APLF: variants seen among roughly 807,000 people sequenced by gnomAD.
APLF encodes aprataxin and PNK-like factor.
Under a neutral mutation model 55.6 loss-of-function variants are expected in APLF, and 61 were observed. That is an observed-to-expected ratio of 1.10 (90% confidence interval 0.89 to 1.36). The LOEUF (loss-of-function observed/expected upper bound fraction) is 1.36, where lower values mean the gene tolerates loss of function less well. Among genes scored for constraint, APLF ranks in the 40% most tolerant of loss-of-function variants. The pLI is 0.00. For synonymous variants in APLF, 207 were observed against 214.8 expected, an observed-to-expected ratio of 0.96 and a Z score of 0.32; for missense variants, 611 against 602.5, an observed-to-expected ratio of 1.01 and a Z score of -0.15.
At chr2:68,569,689 A>G (rs1671400960) in intron 9 of APLF, among the ~76,000 whole-genome samples, 1 of 152,132 alleles carries the variant, frequency 6.6e-6, no homozygotes, top group African/African-American at 2.4e-5. Flanking sequence ...AGTTAGGTAG[A>G]ATAAAGGGTT....
At chr2:68,540,476 A>AGCATG (rs1670516780) in intron 7 of APLF, among the ~76,000 whole-genome samples, 2 of 152,112 alleles carry the variant, frequency 1.3e-5, no homozygotes, top group Non-Finnish European at 2.9e-5. Context: ...AACATACATT[A>AGCATG]GCATGTATCT....
chr2:68,517,324 G>GTCATTACTATATAATATATTAATATA (rs1262337482), intron 5 of APLF, among the ~76,000 whole-genome samples: 7 of 61,468 alleles, frequency 1.1e-4, no homozygotes. Flanking sequence ...ATTAATATAT[G>GTCATTACTATATAATATATTAATATA]TCATTACTAT....
At chr2:68,526,010 AC>A (rs1199580858) in intron 5 of APLF, 50 bp from the exon 6 acceptor site, 9 of 1,503,212 alleles carry the variant, frequency 6.0e-6, no homozygotes, top group African/African-American at 2.8e-5. Context: ...TGGATTATTG[AC>A]ATTTGAAGAT....
intron 1 of APLF, among the ~76,000 whole-genome samples, chr2:68,477,724 TC>T (rs1469827095): frequency 5.9e-5 from 9 of 152,146 alleles, no homozygotes; most frequent in Admixed American, 5.2e-4. Context: ...GACTCACAGT[TC>T]CACATGGCTG....
At chr2:68,518,140 T>G (rs1476045485) in intron 5 of APLF, among the ~76,000 whole-genome samples, 3 of 124,920 alleles carry the variant, frequency 2.4e-5, no homozygotes, top group South Asian at 4.8e-4. Context: ...TATTAATATA[T>G]AATAATATAT....
intron 5 of APLF, 37 bp downstream of exon 5, chr2:68,513,717 A>T: frequency 1.9e-6 from 3 of 1,596,886 alleles, no homozygotes; most frequent in Non-Finnish European, 2.6e-6. Context: ...ACTTTAAAGG[A>T]AACATTAAAC....
At chr2:68,474,038 T>C (rs1342645588) in intron 1 of APLF, among the ~76,000 whole-genome samples, 7 of 152,190 alleles carry the variant, frequency 4.6e-5, no homozygotes, top group Non-Finnish European at 8.8e-5. Flanking sequence ...GGCCCTTTCC[T>C]TGGGCTCTAT....
chr2:68,474,327 A>G (rs771097824), intron 1 of APLF, among the ~76,000 whole-genome samples: 7 of 152,198 alleles, frequency 4.6e-5, no homozygotes, highest in African/African-American at 9.7e-5. Context: ...TCGTCTCCCT[A>G]GAGGAGGCTG....
intron 6 of APLF, among the ~76,000 whole-genome samples, chr2:68,530,327 C>A (rs9750600): frequency 0.073 from 11,039 of 151,706 alleles, 739 homozygotes; most frequent in African/African-American, 0.23. Flanking sequence ...TTCACTTCAA[C>A]ATACAAGTTG....
At chr2:68,563,442 G>A in intron 8 of APLF, 1 of 813,396 alleles carries the variant, frequency 1.2e-6, no homozygotes, top group Non-Finnish European at 1.5e-6. Context: ...GCATGCGAGT[G>A]CAACTGGGAA....
intron 8 of APLF, among the ~76,000 whole-genome samples, chr2:68,553,523 C>T (rs945247701): frequency 1.6e-4 from 25 of 151,802 alleles, no homozygotes; most frequent in African/African-American, 5.6e-4. Context: ...AGAAAATATG[C>T]CCAGTGTATC....
Position 68,548,462 on chromosome 2 carries a change from A to C in APLF, c.1286+3150A>C, listed in dbSNP as rs1415200793. 2.6e-5 allele frequency among the ~76,000 whole-genome samples: 4 copies of C among 151,908 alleles called. No homozygotes were observed. The East Asian group carries it at 7.7e-4, about 29-fold the overall frequency. ...CCAAAAGGAAATCCAAATATTAAAC[A>C]CATGAAAAAATACTCAGTGTCATTA... is the stretch of plus-strand genomic sequence containing the variant. On this transcript the variant is annotated intron_variant, in intron 8 of 9. Coordinates refer to ENST00000303795, the MANE Select transcript of APLF (RefSeq NM_173545.3).
At chr2:68,550,070 G>T (rs996054042) in intron 8 of APLF, among the ~76,000 whole-genome samples, 1 of 152,086 alleles carries the variant, frequency 6.6e-6, no homozygotes, top group East Asian at 1.9e-4. Flanking sequence ...ACTACCCAAG[G>T]TTATGTGGTT....
intron 8 of APLF, among the ~76,000 whole-genome samples, 183 bp from the exon 9 acceptor site, chr2:68,567,156 GAA>G (rs1279284866): frequency 2.6e-5 from 4 of 151,976 alleles, no homozygotes; most frequent in Non-Finnish European, 5.9e-5. Flanking sequence ...TTTGCATCTA[GAA>G]ATGTGCTTGG....
intron 1 of APLF, among the ~76,000 whole-genome samples, chr2:68,474,490 T>A (rs184242963): frequency 8.7e-4 from 132 of 152,364 alleles, no homozygotes; most frequent in South Asian, 4.3e-3. Context: ...TTAGTGGTTA[T>A]GCCAGGCAAC....
At chr2:68,569,823 A>G (rs568978897) in intron 9 of APLF, among the ~76,000 whole-genome samples, 1 of 152,290 alleles carries the variant, frequency 6.6e-6, no homozygotes, top group South Asian at 2.1e-4. Flanking sequence ...GAGGTAAATG[A>G]AGTCAGGATG....
chr2:68,518,569 T>TATATCAATAATATATCATGAATATATA (rs1558539641), intron 5 of APLF, among the ~76,000 whole-genome samples: 1 of 106,284 alleles, frequency 9.4e-6, no homozygotes, highest in African/African-American at 3.9e-5. Context: ...ATCATGAATA[T>TATATCAATAATATATCATGAATATATA]ATAATATATC....
Position 68,579,844 on chromosome 2 carries a change from T to C in APLF, c.*1822T>C. On this transcript the variant is annotated 3_prime_UTR_variant, in exon 10 of 10. Transcript: ENST00000303795. ...AGGATTTCCTTTTGAGTGATAAAAA[T>C]GTTCTAAGATTAGATGGCAGTGATG... 1 of 228,442 alleles carries C rather than the reference T, an allele frequency of 4.4e-6. No homozygotes were observed. The highest frequency in any genetic ancestry group is 7.3e-6 in the Non-Finnish European group (1 of 137,886). The allele number at this position is 228,442 out of a possible 1,614,324, so 14.2% of individuals were successfully genotyped here. A position where few individuals can be genotyped will look rare whatever the true frequency, so the allele number is the denominator to read the frequency against.
intron 8 of APLF, among the ~76,000 whole-genome samples, chr2:68,554,754 G>A (rs1036673449): frequency 6.6e-5 from 10 of 151,436 alleles, no homozygotes; most frequent in Admixed American, 1.3e-4. Context: ...TTTTGTATCC[G>A]GAAACTTTGG....
Sources: gnomAD v4.1 joint callset for allele counts (sites outside exome capture counted in the v4.1 genomes callset) on GRCh38, gnomAD v4.1.1 for gene constraint, MANE v1.5 for transcripts, NCBI Gene and HGNC (gene_info 2026-07-23, HGNC 2026-07-21) for gene names.